ZNF470: variants seen among roughly 807,000 people sequenced by gnomAD.
ZNF470 encodes the protein zinc finger protein 470.
A neutral mutation model predicts 13.9 loss-of-function variants in ZNF470; 13 were observed. The observed-to-expected ratio is 0.94, with a 90% CI of 0.61 to 1.49. The LOEUF (loss-of-function observed/expected upper bound fraction) is 1.49, where lower values mean the gene tolerates loss of function less well. ZNF470 is among the 40% of genes most tolerant of loss of function. ZNF470 has a pLI of 0.00. For missense variants in ZNF470, 929 were observed against 857.3 expected, an observed-to-expected ratio of 1.08 and a Z score of -1.04; for synonymous variants, 293 against 282.9, an observed-to-expected ratio of 1.04 and a Z score of -0.36.
chr19:56,581,853 T>A lies in ZNF470; in HGVS notation c.*3270T>A, dbSNP rs751220211. 1.9e-4 allele frequency: 186 copies of A among 985,306 alleles called. No homozygotes were observed. Among genetic ancestry groups the A allele is most frequent in the Non-Finnish European group, 2.2e-4 (180 of 829,934 alleles). 61.0% of individuals were successfully genotyped at this position (985,306 alleles called of 1,614,324 possible). On this transcript the variant is annotated 3_prime_UTR_variant, in exon 6 of 6. Transcript: ENST00000330619. ...CTGAATTTCAAAAGGCATTTGGATCTGTGTCATCCAATGGCAACTCCCTAA... is the reference window on the plus strand; with the variant it reads ...CTGAATTTCAAAAGGCATTTGGATCAGTGTCATCCAATGGCAACTCCCTAA...
intron 2 of ZNF470, 192 bp from the exon 3 acceptor site, chr19:56,570,088 A>C: frequency 1.9e-6 from 1 of 518,838 alleles, no homozygotes; most frequent in South Asian, 2.6e-5. Context: ...TATTATGCTC[A>C]TCCTGAAAAC....
chr19:56,578,880 ATTAAGG>A lies in ZNF470; in HGVS notation c.*299_*304del. ...AGTTATTGCTAAATAAATGCTAGCC[ATTAAGG>A]TAAAGGTTTCCTTACAAACTATCAT... On this transcript the variant is annotated 3_prime_UTR_variant, in exon 6 of 6. Transcript: ENST00000330619. The A allele has an allele frequency of 4.6e-6, 5 of 1,091,546 alleles. No homozygotes were observed. The highest frequency in any genetic ancestry group is 4.4e-6 in the Non-Finnish European group (4 of 899,056). 67.6% of individuals were successfully genotyped at this position (1,091,546 alleles called of 1,614,324 possible).
Position 56,580,294 on chromosome 19 carries a change from C to T in ZNF470, c.*1711C>T. ...GAGGAAGGGAGGATTGATGGTTTAA[C>T]AGAGATCATGGCAGTTATGTTCACT... On this transcript the variant is annotated 3_prime_UTR_variant, in exon 6 of 6. Transcript: ENST00000330619. The T allele has an allele frequency of 1.8e-5, 7 of 383,530 alleles. No homozygotes were observed. The highest frequency in any genetic ancestry group is 2.5e-5 in the Non-Finnish European group (7 of 280,830). The allele number at this position is 383,530 out of a possible 1,614,324, so 23.8% of individuals were successfully genotyped here.
intron 5 of ZNF470, among the ~76,000 whole-genome samples, chr19:56,575,155 G>A (rs577971351): frequency 2.0e-5 from 3 of 151,820 alleles, no homozygotes; most frequent in Admixed American, 2.0e-4. Flanking sequence ...TGTATTTCTT[G>A]TGTTATTTAT....
At chr19:56,574,358 C>A in intron 3 of ZNF470, 36 bp from the exon 4 acceptor site, 3 of 1,612,980 alleles carry the variant, frequency 1.9e-6, no homozygotes, top group Non-Finnish European at 2.5e-6. Context: ...GGAATGTGAA[C>A]ACTGAGTGAG....
At position 56,578,937 on chromosome 19, in the gene ZNF470, T is replaced by C. The variant is rs2044514628; in HGVS notation, c.*354T>C. 1 of 1,010,960 alleles carries C rather than the reference T, an allele frequency of 9.9e-7. No individual in the cohort carries two copies. The allele number at this position is 1,010,960 out of a possible 1,614,324, so 62.6% of individuals were successfully genotyped here. A position where few individuals can be genotyped will look rare whatever the true frequency, so the allele number is the denominator to read the frequency against. On this transcript the variant is annotated 3_prime_UTR_variant, in exon 6 of 6. Transcript: ENST00000330619. ...ATTAAGCAGCAAGTAAACCAAACAG[T>C]AAGTCTAAGACTAAGATTTTAGAGC... is the stretch of plus-strand genomic sequence containing the variant.
Position 56,578,090 on chromosome 19 carries a change from A to G in ZNF470, c.1661A>G (p.Gln554Arg). 1 of 1,613,992 alleles carries G rather than the reference A, an allele frequency of 6.2e-7. No individual in the cohort carries two copies. Among genetic ancestry groups the G allele is most frequent in the Non-Finnish European group, 8.5e-7 (1 of 1,179,960 alleles). The change falls in exon 6 of 6, where the codon CAG (glutamine) becomes CGG (arginine). Residue 554 changes from glutamine (Q) to arginine (R), a missense_variant. By Grantham distance (43) the Gln-to-Arg change is conservative. Transcript: ENST00000330619. ...KAFSQIAHLV[Q>R]HQRVHTGEKP... ...TTCAGTCAGATTGCACACCTTGTTC[A>G]GCACCAGAGAGTTCATACTGGTGAG...
In ZNF470 at chr19:56,567,550, C is replaced by T; in HGVS notation, c.-647C>T. ...AGGGAGGTCTGGGCGGGGCAGCGGC[C>T]GAGGCTGGACTGGGGCGCGGCGGGG... On this transcript the variant is annotated 5_prime_UTR_variant, in exon 1 of 6. Transcript: ENST00000330619. The T allele has an allele frequency of 1.4e-5, 14 of 984,942 alleles. No homozygotes were observed. The highest frequency in any genetic ancestry group is 1.7e-5 in the Non-Finnish European group (14 of 830,192). The allele number at this position is 984,942 out of a possible 1,614,324, so 61.0% of individuals were successfully genotyped here.
chr19:56,579,885 A>T lies in ZNF470; in HGVS notation c.*1302A>T, dbSNP rs891513731. ...GAAGCTGATTCTGATCATCTGTAGA[A>T]TTTTGATTTTAACGAGGAATGTAGT... On this transcript the variant is annotated 3_prime_UTR_variant, in exon 6 of 6. Transcript: ENST00000330619. 1.5e-5 allele frequency: 7 copies of T among 470,798 alleles called. No individual in the cohort carries two copies. The highest frequency in any genetic ancestry group is 1.5e-4 in the African/African-American group (7 of 47,202). 29.2% of individuals were successfully genotyped at this position (470,798 alleles called of 1,614,324 possible).
intron 5 of ZNF470, among the ~76,000 whole-genome samples, chr19:56,575,914 C>T (rs1440604845): frequency 4.6e-5 from 7 of 151,828 alleles, no homozygotes; most frequent in South Asian, 2.1e-4. Context: ...TTAAGGAAAG[C>T]CCAGATAAGT....
chr19:56,581,794 A>G lies in ZNF470; in HGVS notation c.*3211A>G, dbSNP rs2044538204. On this transcript the variant is annotated 3_prime_UTR_variant, in exon 6 of 6. Coordinates refer to ENST00000330619, the MANE Select transcript of ZNF470 (RefSeq NM_001001668.4). Reference sequence around the variant, plus strand: ...TGAGTAACTGGCCATACCCTACCATATGTTTTTGATGGACGTGGCCAATAA... The same window carrying G: ...TGAGTAACTGGCCATACCCTACCATGTGTTTTTGATGGACGTGGCCAATAA... 2 of 985,252 alleles carry G rather than the reference A, an allele frequency of 2.0e-6. No homozygotes were observed. The highest frequency in any genetic ancestry group is 6.2e-5 in the Admixed American group (1 of 16,256). 61.0% of individuals were successfully genotyped at this position (985,252 alleles called of 1,614,324 possible).
rs1294140348 is a variant in ZNF470 at position 56,582,683 on chromosome 19, C to T, written c.*4100C>T. 2.0e-6 allele frequency: 1 copy of T among 510,206 alleles called. No homozygotes were observed. The highest frequency in any genetic ancestry group is 6.4e-5 in the Admixed American group (1 of 15,662). 31.6% of individuals were successfully genotyped at this position (510,206 alleles called of 1,614,324 possible). On this transcript the variant is annotated 3_prime_UTR_variant, in exon 6 of 6. Transcript: ENST00000330619. ...GGCCATAAGAGTGAGGCCCTAATCC[C>T]ATAGGACTAGTGTCCTTATAAGAGG...
Position 56,576,843 on chromosome 19 carries a change from C to T in ZNF470, c.414C>T (p.Asn138=), listed in dbSNP as rs774533936. 1 of 1,590,964 alleles carries T rather than the reference C, an allele frequency of 6.3e-7. No individual in the cohort carries two copies. Among genetic ancestry groups the T allele is most frequent in the South Asian group, 1.2e-5 (1 of 86,742 alleles). Residue 138 remains asparagine, a synonymous_variant, in exon 6 of 6, where the codon AAC becomes AAT. Coordinates refer to ENST00000330619, the MANE Select transcript of ZNF470 (RefSeq NM_001001668.4). ...YDLECSTLGK[N]WKCEDLFERE... is the part of the protein sequence containing the mutation. ...TTGAATGTTCAACATTAGGGAAAAA[C>T]TGGAAATGTGAAGACTTGTTTGAGA...
intron 3 of ZNF470, among the ~76,000 whole-genome samples, chr19:56,572,390 A>ACACATGTAT (rs2044461327): frequency 9.8e-6 from 1 of 101,604 alleles, no homozygotes; most frequent in African/African-American, 4.6e-5. Flanking sequence ...ATATATATAT[A>ACACATGTAT]AATTAGCCAG....
In ZNF470 at chr19:56,577,469, A is replaced by G. The variant is rs750733806; in HGVS notation, c.1040A>G (p.Lys347Arg). ...EKPYECIECGKAFSDCSSLAH... is the reference protein window; with the variant it reads ...EKPYECIECGRAFSDCSSLAH... Reference sequence around the variant, plus strand: ...CCCTATGAATGTATTGAATGTGGGAAGGCTTTTAGTGATTGCTCATCCCTA... The same window carrying G: ...CCCTATGAATGTATTGAATGTGGGAGGGCTTTTAGTGATTGCTCATCCCTA... Residue 347 changes from lysine to arginine, a missense_variant, in exon 6 of 6, where the codon AAG (lysine) becomes AGG (arginine). Coordinates refer to ENST00000330619, the MANE Select transcript of ZNF470 (RefSeq NM_001001668.4). 14 of 1,613,562 alleles carry G rather than the reference A, an allele frequency of 8.7e-6. No individual in the cohort carries two copies. The highest frequency in any genetic ancestry group is 1.2e-5 in the Non-Finnish European group (14 of 1,179,594).
Position 56,577,349 on chromosome 19 carries a change from C to A in ZNF470, c.920C>A (p.Thr307Asn). The A allele has an allele frequency of 2.5e-6, 4 of 1,613,698 alleles. No individual in the cohort carries two copies. Among genetic ancestry groups the A allele is most frequent in the Non-Finnish European group, 3.4e-6 (4 of 1,179,774 alleles). The change falls in exon 6 of 6, where the codon ACT becomes AAT. Residue 307 changes from threonine to asparagine, a missense_variant. By Grantham distance (65) the Thr-to-Asn change is moderately conservative (BLOSUM62 0). Coordinates refer to ENST00000330619, the MANE Select transcript of ZNF470 (RefSeq NM_001001668.4). ...AHLVQHQRVH[T>N]GEKPYQCKQC... is the part of the protein sequence containing the mutation. Reference sequence around the variant, plus strand: ...CTTGTTCAACACCAGAGAGTTCATACTGGAGAGAAACCTTATCAGTGTAAG... The same window carrying A: ...CTTGTTCAACACCAGAGAGTTCATAATGGAGAGAAACCTTATCAGTGTAAG...
rs563654511 is a variant in ZNF470, at chr19:56,574,156, AT to A, written c.61-236del. Reference sequence around the variant, plus strand: ...TGGTAATGTATTCTCGCCACCTAGAATTGCAAATGTTTGAAGAGCAAGGAGT... The same window carrying A: ...TGGTAATGTATTCTCGCCACCTAGAATGCAAATGTTTGAAGAGCAAGGAGT... On this transcript the variant is annotated intron_variant, in intron 3 of 5. Coordinates refer to ENST00000330619, the MANE Select transcript of ZNF470 (RefSeq NM_001001668.4). 11 of 674,486 alleles carry A rather than the reference AT, an allele frequency of 1.6e-5. No individual in the cohort carries two copies. The South Asian group carries it at 1.9e-4, about 11-fold the overall frequency. The allele number at this position is 674,486 out of a possible 1,614,324, so 41.8% of individuals were successfully genotyped here. A position where few individuals can be genotyped will look rare whatever the true frequency, so the allele number is the denominator to read the frequency against.
At chr19:56,572,163 C>T (rs1290401868) in intron 3 of ZNF470, among the ~76,000 whole-genome samples, 1 of 148,548 alleles carries the variant, frequency 6.7e-6, no homozygotes, top group Non-Finnish European at 1.5e-5. Flanking sequence ...GCTATAAAAC[C>T]AGGACAGCAT....
chr19:56,568,092 G>T, intron 1 of ZNF470, 54 bp downstream of exon 1: 1 of 985,914 alleles, frequency 1.0e-6, no homozygotes, highest in Non-Finnish European at 1.2e-6. Context: ...GAGGTTTTGG[G>T]TGCTGTCTTT....
Sources: allele counts gnomAD v4.1 joint callset (sites outside exome capture counted in the v4.1 genomes callset), GRCh38; gene constraint gnomAD v4.1.1; transcripts MANE v1.5; gene names NCBI Gene and HGNC (gene_info 2026-07-23, HGNC 2026-07-21).